Variants in EPS8 observed in about 807,000 individuals in gnomAD.
The protein encoded by EPS8 is epidermal growth factor receptor kinase substrate 8.
In EPS8, 42 loss-of-function variants were observed where a neutral mutation model predicts 103.8. That is an observed-to-expected ratio of 0.40 (90% confidence interval 0.32 to 0.52). The LOEUF (loss-of-function observed/expected upper bound fraction) is 0.52. Among genes scored for constraint, EPS8 ranks in the 20% least tolerant of loss-of-function variants. EPS8 has a pLI of 0.40. For missense variants in EPS8, 969 were observed against 1,005.1 expected, an observed-to-expected ratio of 0.96 and a Z score of 0.49; for synonymous variants, 344 against 344.6, an observed-to-expected ratio of 1.00 and a Z score of 0.02.
At chr12:15,622,115 G>A (rs1027472043) in intron 20 of EPS8, among the ~76,000 whole-genome samples, 3 of 152,142 alleles carry the variant, frequency 2.0e-5, no homozygotes, top group Non-Finnish European at 1.5e-5. Context: ...ATGATAGGCA[G>A]GTGTGGGATG....
chr12:15,774,150 T>TA lies in EPS8; in HGVS notation c.-22+15010dup, dbSNP rs879284904. On this transcript the variant is annotated intron_variant, in intron 1 of 20. Coordinates refer to ENST00000281172, the MANE Select transcript of EPS8 (RefSeq NM_004447.6). ...AACTAATTTTTAGCGTGTCATCAAT[T>TA]AAAAAAAAAAGATTCTCTGGTAATG... 1.3e-3 allele frequency among the ~76,000 whole-genome samples: 195 copies of TA among 148,010 alleles called. 2 individuals carry two copies. The East Asian group carries it at 0.032, about 24-fold the overall frequency.
chr12:15,772,292 T>C lies in EPS8; in HGVS notation c.-22+16869A>G, dbSNP rs1947163224. The stretch of plus-strand genomic sequence containing the variant: ...CCAGAGTAAAAGCAAGAAATTAATT[T>C]TGGGAAATGTGAAGTCTGAGGGGCC... On this transcript the variant is annotated intron_variant, in intron 1 of 20. Transcript: ENST00000281172. This position sits in a 1 kb window ranked among gnomAD's most constrained non-coding sequence, Gnocchi z 5.0. Among the ~76,000 whole-genome samples, 1 of 152,104 alleles carries C rather than the reference T, an allele frequency of 6.6e-6. No homozygotes were observed. The highest frequency in any genetic ancestry group is 6.6e-5 in the Admixed American group (1 of 15,258).
At chr12:15,744,279 G>A (rs1475819167) in intron 1 of EPS8, among the ~76,000 whole-genome samples, 1 of 152,170 alleles carries the variant, frequency 6.6e-6, no homozygotes, top group Non-Finnish European at 1.5e-5. Context: ...TTTGTTAAAA[G>A]AGCTGGTCTC....
At chr12:15,705,880 T>C (rs1946379610) in intron 1 of EPS8, among the ~76,000 whole-genome samples, 1 of 152,176 alleles carries the variant, frequency 6.6e-6, no homozygotes, top group Non-Finnish European at 1.5e-5. Context: ...TAGAAAGACA[T>C]TAAAACCCTC....
At chr12:15,661,845 G>A (rs1245386166) in intron 9 of EPS8, among the ~76,000 whole-genome samples, 181 bp downstream of exon 9, 2 of 152,124 alleles carry the variant, frequency 1.3e-5, no homozygotes, top group Non-Finnish European at 2.9e-5. Flanking sequence ...TGGCATAAAG[G>A]CAAAAATGTT....
chr12:15,670,737 G>A, intron 4 of EPS8, 119 bp downstream of exon 4: 1 of 620,050 alleles, frequency 1.6e-6, no homozygotes, highest in East Asian at 2.9e-5. Flanking sequence ...TAAACAAAAA[G>A]GTCAATGCAA....
chr12:15,773,649 T>C (rs1044507277), intron 1 of EPS8, among the ~76,000 whole-genome samples: 1 of 152,108 alleles, frequency 6.6e-6, no homozygotes, highest in African/African-American at 2.4e-5. Flanking sequence ...AATGTGATAT[T>C]AACAAGTCTA....
At chr12:15,676,572 C>T (rs1945912506) in intron 3 of EPS8, among the ~76,000 whole-genome samples, 1 of 152,130 alleles carries the variant, frequency 6.6e-6, no homozygotes, top group Non-Finnish European at 1.5e-5. Context: ...TTACAGCTGC[C>T]ACACCCAAGC....
rs1565463631 is a variant in EPS8, at chr12:15,624,322, A to G, written c.2130T>C (p.His710=). 6.2e-7 allele frequency: 1 copy of G among 1,613,336 alleles called. No homozygotes were observed. The highest frequency in any genetic ancestry group is 2.2e-5 in the East Asian group (1 of 44,864). The change falls in exon 19 of 21, where the codon CAT becomes CAC. Residue 710 remains histidine (H), a synonymous_variant. Coordinates refer to ENST00000281172, the MANE Select transcript of EPS8 (RefSeq NM_004447.6). The part of the protein sequence containing the change: ...IGRSAAQKKF[H]VPRQNVPVIN... ...TAACTGGCACGTTCTGCCGTGGCAC[A>G]TGGAATTTCTTCTGAGCGGCACTCC...
Position 15,734,601 on chromosome 12 carries a change from G to A in EPS8, c.-21-51629C>T, listed in dbSNP as rs1044833679. ...CCCAGCTACTCGGGAGGCTGAGGCA[G>A]GAGAATGGCGTGAACCTGGGAGGCG... is the stretch of plus-strand genomic sequence containing the variant. On this transcript the variant is annotated intron_variant, in intron 1 of 20. Coordinates refer to ENST00000281172, the MANE Select transcript of EPS8 (RefSeq NM_004447.6). This position sits in a 1 kb window ranked among gnomAD's most constrained non-coding sequence, Gnocchi z 4.1. Among the ~76,000 whole-genome samples, 22 of 152,142 alleles carry A rather than the reference G, an allele frequency of 1.4e-4. No individual in the cohort carries two copies. The highest frequency in any genetic ancestry group is 2.8e-4 in the Non-Finnish European group (19 of 68,022).
chr12:15,754,233 GAA>G (rs750888299), intron 1 of EPS8, among the ~76,000 whole-genome samples: 5 of 131,394 alleles, frequency 3.8e-5, no homozygotes, highest in Admixed American at 7.7e-5. Context: ...GTTCCATTTG[GAA>G]AAAAAAAAAA....
intron 1 of EPS8, among the ~76,000 whole-genome samples, chr12:15,770,516 G>A (rs893577159): frequency 6.6e-6 from 1 of 152,098 alleles, no homozygotes; most frequent in Non-Finnish European, 1.5e-5. Flanking sequence ...CTAATGAGGG[G>A]AAAGGATAGA....
rs749312796 is a variant in EPS8 at position 15,621,303 on chromosome 12, TACAA to T, written c.*10_*13del. On this transcript the variant is annotated 3_prime_UTR_variant, in exon 21 of 21. Transcript: ENST00000281172. ...AATGCCAAAAACAATGGAGTTTAAA[TACAA>T]ACAAACAAATTAGTGACTGCTTCCT... is the stretch of plus-strand genomic sequence containing the variant. 4.4e-5 allele frequency: 63 copies of T among 1,422,896 alleles called. No homozygotes were observed. Among genetic ancestry groups the T allele is most frequent in the African/African-American group, 1.7e-4 (12 of 69,028 alleles). The allele number at this position is 1,422,896 out of a possible 1,614,324, so 88.1% of individuals were successfully genotyped here. A position where few individuals can be genotyped will look rare whatever the true frequency, so the allele number is the denominator to read the frequency against.
At chr12:15,628,918 C>T (rs1213803578) in intron 18 of EPS8, among the ~76,000 whole-genome samples, 1 of 152,016 alleles carries the variant, frequency 6.6e-6, no homozygotes, top group Non-Finnish European at 1.5e-5. Flanking sequence ...CATTAAGCCC[C>T]AACATTCATT....
rs1946276661 is a variant in EPS8, at chr12:15,698,916, T to G, written c.-21-15944A>C. ...TTGTTGTATATGTCAAGAATGAAAA[T>G]CAAAGATTCCAACTAATCAAGGCCC... On this transcript the variant is annotated intron_variant, in intron 1 of 20. Coordinates refer to ENST00000281172, the MANE Select transcript of EPS8 (RefSeq NM_004447.6). This position sits in a 1 kb window ranked among gnomAD's most constrained non-coding sequence, Gnocchi z 4.9. Among the ~76,000 whole-genome samples the G allele has an allele frequency of 6.6e-6, 1 of 152,120 alleles. No homozygotes were observed. Among genetic ancestry groups the G allele is most frequent in the Admixed American group, 6.5e-5 (1 of 15,272 alleles).
At chr12:15,788,842 G>A (rs1463049201) in intron 1 of EPS8, among the ~76,000 whole-genome samples, 3 of 152,120 alleles carry the variant, frequency 2.0e-5, no homozygotes, top group Non-Finnish European at 4.4e-5. Context: ...CCAGATGAGC[G>A]CAGGTGTATC....
rs1178643559 is a variant in EPS8 at position 15,727,729 on chromosome 12, G to A, written c.-21-44757C>T. ...AAAAATTAGCCGGGCGTGGTGGCGC[G>A]TGCCTGTAATCCCAGCTACTCAGGA... On this transcript the variant is annotated intron_variant, in intron 1 of 20. Coordinates refer to ENST00000281172, the MANE Select transcript of EPS8 (RefSeq NM_004447.6). The surrounding 1 kb of genome is among the most constrained non-coding windows in gnomAD (Gnocchi z 4.3). Among the ~76,000 whole-genome samples, 6 of 151,904 alleles carry A rather than the reference G, an allele frequency of 3.9e-5. No individual in the cohort carries two copies. Among genetic ancestry groups the A allele is most frequent in the African/African-American group, 1.4e-4 (6 of 41,394 alleles).
rs1052229808 is a variant in EPS8, at chr12:15,762,511, A to G, written c.-22+26650T>C. Among the ~76,000 whole-genome samples, 4 of 152,368 alleles carry G rather than the reference A, an allele frequency of 2.6e-5. No homozygotes were observed. Among genetic ancestry groups the G allele is most frequent in the Non-Finnish European group, 4.4e-5 (3 of 68,040 alleles). ...CATATTTGTTGCAGCACTGTTTACA[A>G]TCACCAAGATTTGGAAGCAACCTAA... On this transcript the variant is annotated intron_variant, in intron 1 of 20. Coordinates refer to ENST00000281172, the MANE Select transcript of EPS8 (RefSeq NM_004447.6). The surrounding 1 kb of genome is among the most constrained non-coding windows in gnomAD (Gnocchi z 4.8).
intron 1 of EPS8, among the ~76,000 whole-genome samples, chr12:15,788,439 C>T (rs538093840): frequency 6.6e-6 from 1 of 152,138 alleles, no homozygotes; most frequent in Non-Finnish European, 1.5e-5. Context: ...TGCCGGAGAA[C>T]GGTCGGTGCA....
Sources: allele counts gnomAD v4.1 joint callset (sites outside exome capture counted in the v4.1 genomes callset), GRCh38; gene constraint gnomAD v4.1.1; non-coding constraint Gnocchi (gnomAD v3.1); transcripts MANE v1.5; gene names NCBI Gene and HGNC (gene_info 2026-07-23, HGNC 2026-07-21).